Variants in NUSAP1 observed in about 807,000 individuals in gnomAD.
NUSAP1 encodes nucleolar and spindle-associated protein 1.
A neutral mutation model predicts 52.8 loss-of-function variants in NUSAP1; 32 were observed. The ratio of observed to expected loss-of-function variants is 0.61; its 90% CI spans 0.46 to 0.81. The LOEUF is 0.81. Ranked by LOEUF, NUSAP1 falls within the 40% of genes least tolerant of loss-of-function variation. NUSAP1 has a pLI of 0.00. For missense variants in NUSAP1, 499 were observed against 522.3 expected, an observed-to-expected ratio of 0.96 and a Z score of 0.43; for synonymous variants, 195 against 183.1, an observed-to-expected ratio of 1.06 and a Z score of -0.52.
At chr15:41,375,657 T>C in intron 8 of NUSAP1, 55 bp from the exon 9 acceptor site, 1 of 1,121,240 alleles carries the variant, frequency 8.9e-7, no homozygotes, top group South Asian at 1.2e-5. Context: ...TGATAAACAC[T>C]TTACCAGGTC....
intron 2 of NUSAP1, chr15:41,345,342 A>G (rs1044341947): frequency 1.2e-5 from 4 of 327,686 alleles, no homozygotes; most frequent in African/African-American, 2.3e-5. Flanking sequence ...GGAAAGTGGG[A>G]TCCACATTTT....
intron 1 of NUSAP1, among the ~76,000 whole-genome samples, chr15:41,336,968 C>T (rs2048175818): frequency 6.6e-6 from 1 of 150,994 alleles, no homozygotes; most frequent in Non-Finnish European, 1.5e-5. Flanking sequence ...CGTTCAACCA[C>T]CAAATCCCCC....
chr15:41,371,381 T>C, intron 7 of NUSAP1, 146 bp from the exon 8 acceptor site: 1 of 569,484 alleles, frequency 1.8e-6, no homozygotes, highest in Non-Finnish European at 3.0e-6. Context: ...AATATGTCTC[T>C]TCTGCAAAAG....
At chr15:41,369,452 A>G (rs1192750193) in intron 7 of NUSAP1, among the ~76,000 whole-genome samples, 1 of 151,930 alleles carries the variant, frequency 6.6e-6, no homozygotes, top group Non-Finnish European at 1.5e-5. Flanking sequence ...GTTCAAGACC[A>G]GCCATGACCA....
intron 4 of NUSAP1, chr15:41,352,104 C>T (rs1370270497): frequency 6.6e-6 from 1 of 151,874 alleles, no homozygotes; most frequent in Admixed American, 6.6e-5. Context: ...CCACCAGGCC[C>T]AGCTAATTTT....
intron 4 of NUSAP1, among the ~76,000 whole-genome samples, chr15:41,353,150 C>CTTTGT (rs892295214): frequency 6.6e-6 from 1 of 151,848 alleles, no homozygotes; most frequent in African/African-American, 2.4e-5. Context: ...AATATCCTTT[C>CTTTGT]TTTGTTTTGT....
chr15:41,349,428 GA>G, intron 3 of NUSAP1, 187 bp downstream of exon 3: 1 of 526,746 alleles, frequency 1.9e-6, no homozygotes, highest in Non-Finnish European at 3.4e-6. Flanking sequence ...TGGGCCTCAG[GA>G]AGCACTTTTT....
At chr15:41,369,243 G>T (rs540962717) in intron 7 of NUSAP1, among the ~76,000 whole-genome samples, 11 of 151,456 alleles carry the variant, frequency 7.3e-5, no homozygotes, top group Non-Finnish European at 1.3e-4. Context: ...TTTTTTTCCT[G>T]TTCCTCCAAT....
At chr15:41,345,806 T>C (rs2048545607) in intron 2 of NUSAP1, among the ~76,000 whole-genome samples, 1 of 152,068 alleles carries the variant, frequency 6.6e-6, no homozygotes, top group East Asian at 1.9e-4. Context: ...TCTCTAGTGT[T>C]CTCTGTCTCA....
In NUSAP1 at chr15:41,371,467, G is replaced by T. The variant is rs139357779; in HGVS notation, c.849-60G>T. 52 of 1,408,018 alleles carry T rather than the reference G, an allele frequency of 3.7e-5. No homozygotes were observed. The African/African-American group carries it at 6.9e-4, about 19-fold the overall frequency. 87.2% of individuals were successfully genotyped at this position (1,408,018 alleles called of 1,614,324 possible). On this transcript the variant is annotated intron_variant, in intron 7 of 10. Coordinates refer to ENST00000559596, the MANE Select transcript of NUSAP1 (RefSeq NM_016359.5). ...AATAGTCAAGTGGTTTTATTTATAAGCTAGACACAAGTTACTCTTGCCACA... is the reference window on the plus strand; with the variant it reads ...AATAGTCAAGTGGTTTTATTTATAATCTAGACACAAGTTACTCTTGCCACA...
intron 6 of NUSAP1, 86 bp downstream of exon 6, chr15:41,358,344 G>T: frequency 1.5e-6 from 1 of 655,008 alleles, no homozygotes; most frequent in South Asian, 1.8e-5. Flanking sequence ...TACAACAACT[G>T]GCTGTCACTC....
chr15:41,361,560 A>G (rs1473181085), intron 6 of NUSAP1, among the ~76,000 whole-genome samples: 1 of 151,734 alleles, frequency 6.6e-6, no homozygotes, highest in Non-Finnish European at 1.5e-5. Flanking sequence ...ATCTCTAAAG[A>G]AAAAAAAAGA....
At chr15:41,372,266 C>A (rs977170764) in intron 8 of NUSAP1, among the ~76,000 whole-genome samples, 4 of 152,092 alleles carry the variant, frequency 2.6e-5, no homozygotes, top group Non-Finnish European at 5.9e-5. Context: ...CTCAGGGATT[C>A]GGAGGATGAG....
intron 10 of NUSAP1, among the ~76,000 whole-genome samples, chr15:41,377,880 A>C (rs902969788): frequency 4.6e-5 from 7 of 151,654 alleles, no homozygotes; most frequent in African/African-American, 1.7e-4. Flanking sequence ...GGGCGCCTGT[A>C]GTCCCAGCTA....
rs567206040 is a variant in NUSAP1 at position 41,359,086 on chromosome 15, A to C, written c.660+828A>C. Among the ~76,000 whole-genome samples, 25 of 152,268 alleles carry C rather than the reference A, an allele frequency of 1.6e-4. No homozygotes were observed. The South Asian group carries it at 2.3e-3, about 14-fold the overall frequency. On this transcript the variant is annotated intron_variant, in intron 6 of 10. Transcript: ENST00000559596. ...TTGATGTTATTGGTATCTGGTGTTA[A>C]GGCAGTGCCGAATGGAGGGCAGGAA...
chr15:41,334,713 TG>T (rs2048054886), intron 1 of NUSAP1, among the ~76,000 whole-genome samples: 1 of 151,854 alleles, frequency 6.6e-6, no homozygotes, highest in Admixed American at 6.6e-5. Context: ...GCTGTGTGTG[TG>T]TGTGTGTATT....
At chr15:41,378,374 T>C (rs2050060691) in intron 10 of NUSAP1, among the ~76,000 whole-genome samples, 1 of 152,212 alleles carries the variant, frequency 6.6e-6, no homozygotes, top group East Asian at 1.9e-4. Flanking sequence ...CCAGAGCTCA[T>C]CCTGGGTTGC....
intron 4 of NUSAP1, among the ~76,000 whole-genome samples, 153 bp from the exon 5 acceptor site, chr15:41,355,886 G>A (rs1478818832): frequency 2.6e-5 from 4 of 151,796 alleles, no homozygotes; most frequent in African/African-American, 9.7e-5. Flanking sequence ...TAGTTTATAA[G>A]CCAGGATGGT....
intron 7 of NUSAP1, among the ~76,000 whole-genome samples, chr15:41,370,797 C>T (rs1010440020): frequency 1.3e-5 from 2 of 151,496 alleles, no homozygotes; most frequent in African/African-American, 4.8e-5. Flanking sequence ...TGGCACATAC[C>T]CATAGTCCCA....
Sources: allele counts gnomAD v4.1 joint callset (sites outside exome capture counted in the v4.1 genomes callset), GRCh38; gene constraint gnomAD v4.1.1; transcripts MANE v1.5; gene names NCBI Gene and HGNC (gene_info 2026-07-23, HGNC 2026-07-21).